The following RMDN1 variants were observed in gnomAD, a reference collection of about 807,000 sequenced individuals.
The protein encoded by RMDN1 is regulator of microtubule dynamics 1.
In RMDN1, 48 loss-of-function variants were observed where a neutral mutation model predicts 48.9. That is an observed-to-expected ratio of 0.98 (90% CI 0.78 to 1.25). The LOEUF is 1.25. Ranked by LOEUF, RMDN1 falls within the 50% of genes most tolerant of loss-of-function variation. The probability of loss-of-function intolerance (pLI) is 0.00; values close to 1 mark genes in which losing one functional copy is unlikely to be tolerated. For synonymous variants in RMDN1, 148 were observed against 132.6 expected, an observed-to-expected ratio of 1.12 and a Z score of -0.80; for missense variants, 418 against 373.4, an observed-to-expected ratio of 1.12 and a Z score of -0.98.
chr8:86,509,018 A>G (rs1819891695), upstream of RMDN1, among the ~76,000 whole-genome samples: 2 of 152,148 alleles, frequency 1.3e-5, no homozygotes, highest in Non-Finnish European at 2.9e-5. Flanking sequence ...AAAAATTGTC[A>G]TTTTAATTAT....
At chr8:86,468,870 C>G (rs983980436), downstream of RMDN1, among the ~76,000 whole-genome samples, 3 of 152,164 alleles carry the variant, frequency 2.0e-5, no homozygotes, top group Non-Finnish European at 4.4e-5. Context: ...CACCTTCTCC[C>G]CTTCTTCCCT....
Position 86,474,100 on chromosome 8 carries a change from C to T in RMDN1, c.*208G>A. ...ATGCAAAATAATCTCTTTGCCTGAG[C>T]CATGGAGATTTATTTCTACCACTCT... is the stretch of plus-strand genomic sequence containing the variant. On this transcript the variant is annotated 3_prime_UTR_variant, in exon 10 of 10. Coordinates refer to ENST00000406452, the MANE Select transcript of RMDN1 (RefSeq NM_016033.3). 7.7e-7 allele frequency: 1 copy of T among 1,293,712 alleles called. No homozygotes were observed. The highest frequency in any genetic ancestry group is 9.8e-7 in the Non-Finnish European group (1 of 1,020,780). The allele number at this position is 1,293,712 out of a possible 1,614,324, so 80.1% of individuals were successfully genotyped here.
At chr8:86,505,347 GT>G (rs1186911181) in intron 2 of RMDN1, 1 of 459,088 alleles carries the variant, frequency 2.2e-6, no homozygotes, top group Admixed American at 2.3e-5. Context: ...AACTTTGCCA[GT>G]TTTTCCTTCC....
chr8:86,477,272 T>C, intron 8 of RMDN1, 22 bp downstream of exon 8: 1 of 1,560,684 alleles, frequency 6.4e-7, no homozygotes, highest in Non-Finnish European at 8.7e-7. Flanking sequence ...TATATTAATA[T>C]GTGTAATCAA....
At chr8:86,503,018 A>C (rs1380739908) in intron 2 of RMDN1, among the ~76,000 whole-genome samples, 3 of 152,208 alleles carry the variant, frequency 2.0e-5, no homozygotes, top group Non-Finnish European at 4.4e-5. Flanking sequence ...GGCAGAAAAT[A>C]ATCTAGACCA....
chr8:86,494,823 A>C, intron 2 of RMDN1: 1 of 303,842 alleles, frequency 3.3e-6, no homozygotes, highest in South Asian at 2.5e-5. Context: ...AAAATACAAA[A>C]ATTACCTGGG....
chr8:86,494,997 G>A (rs1817097332), intron 2 of RMDN1: 9 of 387,038 alleles, frequency 2.3e-5, no homozygotes, highest in South Asian at 1.8e-4. Flanking sequence ...AAACAAATAT[G>A]TAGTAACTTT....
At position 86,472,643 on chromosome 8, in the gene RMDN1, C is replaced by T. The variant is rs1357744360; in HGVS notation, c.*1665G>A. 3 of 587,194 alleles carry T rather than the reference C, an allele frequency of 5.1e-6. No individual in the cohort carries two copies. The highest frequency in any genetic ancestry group is 1.9e-5 in the African/African-American group (1 of 53,480). The allele number at this position is 587,194 out of a possible 1,614,324, so 36.4% of individuals were successfully genotyped here. On this transcript the variant is annotated 3_prime_UTR_variant, in exon 10 of 10. Coordinates refer to ENST00000406452, the MANE Select transcript of RMDN1 (RefSeq NM_016033.3). The stretch of plus-strand genomic sequence containing the variant: ...TGACCACATTATTTTTTCACTGTAT[C>T]AGTGGTGTGTCATATTTTTTTTTTT...
At chr8:86,468,857 A>ACTCACCTTCT (rs1812311812), downstream of RMDN1, 2 of 384,086 alleles carry the variant, frequency 5.2e-6, no homozygotes, top group Non-Finnish European at 1.0e-5. Flanking sequence ...ATGGTCCCCC[A>ACTCACCTTCT]CTCACCTTCT....
intron 7 of RMDN1, 200 bp from the exon 8 acceptor site, chr8:86,477,524 T>C (rs1471831484): frequency 4.3e-6 from 2 of 469,148 alleles, no homozygotes; most frequent in Non-Finnish European, 7.7e-6. Context: ...TTACAATATA[T>C]GGACTACTTC....
chr8:86,505,177 C>G (rs1819105548), intron 2 of RMDN1: 1 of 1,029,996 alleles, frequency 9.7e-7, no homozygotes, highest in Non-Finnish European at 1.3e-6. Context: ...TACTTGATTC[C>G]TTTCTTATCC....
intron 2 of RMDN1, chr8:86,504,238 G>A: frequency 6.4e-7 from 1 of 1,562,570 alleles, no homozygotes; most frequent in South Asian, 1.1e-5. Context: ...CAGAAAAGAA[G>A]AGGAGAATGC....
downstream of RMDN1, chr8:86,468,422 G>T (rs1224214921): frequency 6.8e-6 from 3 of 442,220 alleles, no homozygotes; most frequent in Non-Finnish European, 1.3e-5. Flanking sequence ...TAATTTTCAA[G>T]CCTAAAGAAT....
At chr8:86,488,191 A>G (rs1312493899) in intron 3 of RMDN1, among the ~76,000 whole-genome samples, 1 of 152,226 alleles carries the variant, frequency 6.6e-6, no homozygotes, top group Non-Finnish European at 1.5e-5. Context: ...CAGTGAATTC[A>G]TTTAATCTAT....
At chr8:86,504,606 G>T (rs1818977846) in intron 2 of RMDN1, 2 of 974,674 alleles carry the variant, frequency 2.1e-6, no homozygotes. Context: ...GCCTTGGAGG[G>T]ATGGCTTTTT....
intron 2 of RMDN1, among the ~76,000 whole-genome samples, chr8:86,498,895 T>TG: frequency 6.6e-6 from 1 of 152,298 alleles, no homozygotes; most frequent in Middle Eastern, 3.4e-3. Flanking sequence ...ATTCTTGAGA[T>TG]GCAAGGTTGG....
chr8:86,473,970 T>C lies in RMDN1; in HGVS notation c.*338A>G, dbSNP rs1220988122. On this transcript the variant is annotated 3_prime_UTR_variant, in exon 10 of 10. Transcript: ENST00000406452. ...AATCCATCCCCCTGTATATCCCCTA[T>C]AGATCCATTTCCCCTCCTCTACAAA... is the stretch of plus-strand genomic sequence containing the variant. The C allele has an allele frequency of 3.8e-6, 4 of 1,063,560 alleles. No individual in the cohort carries two copies. The highest frequency in any genetic ancestry group is 4.5e-6 in the Non-Finnish European group (4 of 879,188). The allele number at this position is 1,063,560 out of a possible 1,614,324, so 65.9% of individuals were successfully genotyped here. A position where few individuals can be genotyped will look rare whatever the true frequency, so the allele number is the denominator to read the frequency against.
At chr8:86,503,391 A>AAAACAAAAC (rs1347613622) in intron 2 of RMDN1, among the ~76,000 whole-genome samples, 1,175 of 44,916 alleles carry the variant, frequency 0.026, 46 homozygotes, top group African/African-American at 0.068. Context: ...AAAAAAAAAC[A>AAAACAAAAC]AAAAAAAATA....
Position 86,508,486 on chromosome 8 carries a change from G to C in RMDN1, c.129+6C>G, listed in dbSNP as rs1198384817. On this transcript the variant is annotated splice_donor_region_variant and intron_variant, in intron 1 of 9. Coordinates refer to ENST00000406452, the MANE Select transcript of RMDN1 (RefSeq NM_016033.3). Reference sequence around the variant, plus strand: ...TGAGGAGCGGGAGCCAGGACCACGGGGGTACCTCGAAGCCGCGGAATCGAC... The same window carrying C: ...TGAGGAGCGGGAGCCAGGACCACGGCGGTACCTCGAAGCCGCGGAATCGAC... 1 of 1,544,816 alleles carries C rather than the reference G, an allele frequency of 6.5e-7. No homozygotes were observed. Among genetic ancestry groups the C allele is most frequent in the East Asian group, 2.5e-5 (1 of 40,646 alleles).
Sources: gnomAD v4.1 joint callset for allele counts (sites outside exome capture counted in the v4.1 genomes callset) on GRCh38, gnomAD v4.1.1 for gene constraint, MANE v1.5 for transcripts, NCBI Gene and HGNC (gene_info 2026-07-23, HGNC 2026-07-21) for gene names.